Variants in SLC16A7 observed in about 807,000 individuals in gnomAD.
SLC16A7 encodes the protein solute carrier family 16 member 7.
A neutral mutation model predicts 34.9 loss-of-function variants in SLC16A7; 33 were observed. That is an observed-to-expected ratio of 0.94 (90% CI 0.72 to 1.26). The LOEUF (loss-of-function observed/expected upper bound fraction) is 1.26, where lower values mean the gene tolerates loss of function less well. SLC16A7 is among the 50% of genes most tolerant of loss of function. The pLI, the probability that SLC16A7 is intolerant of heterozygous loss-of-function variation, is 0.00. For synonymous variants in SLC16A7, 201 were observed against 206.6 expected (o/e 0.97, Z 0.23); for missense variants, 573 against 578.1 (o/e 0.99, Z 0.09).
At chr12:59,761,096 GT>G (rs1880965783) in intron 3 of SLC16A7, 1 of 1,088,490 alleles carries the variant, frequency 9.2e-7, no homozygotes, top group Non-Finnish European at 1.2e-6. Flanking sequence ...AATTGAAGAA[GT>G]TACTGCAAAA....
At chr12:59,608,561 A>G (rs565321350) in intron 1 of SLC16A7, among the ~76,000 whole-genome samples, 1 of 152,296 alleles carries the variant, frequency 6.6e-6, no homozygotes, top group South Asian at 2.1e-4. Context: ...GTGTGAATGT[A>G]ACCTGGCCTC....
chr12:59,694,374 T>C (rs1258264351), intron 2 of SLC16A7, among the ~76,000 whole-genome samples: 1 of 151,958 alleles, frequency 6.6e-6, no homozygotes, highest in Non-Finnish European at 1.5e-5. Flanking sequence ...TAATGGGGTA[T>C]GATTTACATA....
chr12:59,704,933 C>T lies in SLC16A7; in HGVS notation c.132C>T (p.Phe44=). 6.2e-7 allele frequency: 1 copy of T among 1,613,608 alleles called. No homozygotes were observed. The highest frequency in any genetic ancestry group is 1.1e-5 in the South Asian group (1 of 91,084). The change falls in exon 3 of 6, where the codon TTC becomes TTT. Residue 44 remains phenylalanine (F), a synonymous_variant. Transcript: ENST00000547379. ...TCCCCAAAGCTGTCACCGTATTCTT[C>T]AAAGAAATTCAGCAAATATTCCACA... is the stretch of plus-strand genomic sequence containing the variant. ...YAFPKAVTVF[F]KEIQQIFHTT... is the part of the protein sequence containing the mutation.
At chr12:59,742,273 C>G (rs1878432281) in intron 3 of SLC16A7, among the ~76,000 whole-genome samples, 1 of 152,176 alleles carries the variant, frequency 6.6e-6, no homozygotes, top group Admixed American at 6.6e-5. Flanking sequence ...CTTGCTTCTC[C>G]CTGGCACTTG....
intron 1 of SLC16A7, among the ~76,000 whole-genome samples, chr12:59,647,326 G>GT (rs1325314842): frequency 2.0e-5 from 3 of 152,092 alleles, no homozygotes; most frequent in Non-Finnish European, 2.9e-5. Context: ...TCCTGTGATA[G>GT]TAAGTTCTTA....
chr12:59,649,901 A>G (rs1397117370), intron 1 of SLC16A7, among the ~76,000 whole-genome samples: 1 of 152,114 alleles, frequency 6.6e-6, no homozygotes, highest in East Asian at 1.9e-4. Flanking sequence ...GTGAGCTGAG[A>G]TCATGCCATT....
intron 3 of SLC16A7, among the ~76,000 whole-genome samples, chr12:59,758,050 A>T (rs1592658881): frequency 1.3e-5 from 2 of 152,220 alleles, no homozygotes; most frequent in East Asian, 1.9e-4. Context: ...TCACCCTTGA[A>T]CAACACAGGG....
intron 1 of SLC16A7, among the ~76,000 whole-genome samples, chr12:59,650,731 G>T (rs1868329491): frequency 6.6e-6 from 1 of 152,112 alleles, no homozygotes; most frequent in Admixed American, 6.6e-5. Context: ...GTTGGGAGGT[G>T]CCTGTGGGAA....
intron 2 of SLC16A7, among the ~76,000 whole-genome samples, chr12:59,690,609 G>A (rs1871537935): frequency 6.6e-6 from 1 of 151,924 alleles, no homozygotes; most frequent in Non-Finnish European, 1.5e-5. Flanking sequence ...CACAGATTAA[G>A]TCCATGCCTT....
chr12:59,760,364 G>A (rs1880876288), intron 3 of SLC16A7, among the ~76,000 whole-genome samples: 1 of 151,976 alleles, frequency 6.6e-6, no homozygotes, highest in African/African-American at 2.4e-5. Flanking sequence ...AAAGTGCAGG[G>A]CTCTGGAGAT....
chr12:59,676,012 A>G (rs1870283291), intron 2 of SLC16A7, among the ~76,000 whole-genome samples: 1 of 152,106 alleles, frequency 6.6e-6, no homozygotes, highest in Non-Finnish European at 1.5e-5. Flanking sequence ...TTTCATTGCC[A>G]ATTGACCTTC....
intron 1 of SLC16A7, among the ~76,000 whole-genome samples, chr12:59,646,778 G>C (rs1305654707): frequency 6.6e-6 from 1 of 152,206 alleles, no homozygotes. Context: ...ACCATGCAAA[G>C]TCACAGGGGC....
intron 3 of SLC16A7, among the ~76,000 whole-genome samples, chr12:59,715,849 C>T (rs999588987): frequency 6.6e-6 from 1 of 152,092 alleles, no homozygotes; most frequent in Non-Finnish European, 1.5e-5. Context: ...TTTGTAATTA[C>T]CCAATGTTTT....
intron 1 of SLC16A7, among the ~76,000 whole-genome samples, chr12:59,640,737 T>C (rs1880646776): frequency 6.6e-6 from 1 of 152,120 alleles, no homozygotes; most frequent in African/African-American, 2.4e-5. Flanking sequence ...AGTTCTGCCA[T>C]GTATTAAAAA....
intron 3 of SLC16A7, among the ~76,000 whole-genome samples, chr12:59,740,571 AGAG>A (rs1878200668): frequency 6.0e-5 from 9 of 151,098 alleles, no homozygotes; most frequent in South Asian, 2.1e-4. Flanking sequence ...CAAAATAATA[AGAG>A]CTATCTATGA....
intron 2 of SLC16A7, chr12:59,689,379 C>A (rs1012195910): frequency 6.6e-6 from 1 of 151,964 alleles, no homozygotes; most frequent in Non-Finnish European, 1.5e-5. Flanking sequence ...CACAAGGAAA[C>A]TTCTGCCTCA....
At chr12:59,604,618 CTAATT>C (rs1271525727) in intron 1 of SLC16A7, among the ~76,000 whole-genome samples, 5 of 152,164 alleles carry the variant, frequency 3.3e-5, no homozygotes. Context: ...CATGTTTTAA[CTAATT>C]TAATCCTCAA....
chr12:59,664,430 T>A (rs535904636), intron 2 of SLC16A7, among the ~76,000 whole-genome samples: 14 of 152,082 alleles, frequency 9.2e-5, no homozygotes, highest in Non-Finnish European at 1.3e-4. Context: ...AAGAAATAGA[T>A]TAAACTGGCC....
chr12:59,690,384 G>T (rs1366300176), intron 2 of SLC16A7, among the ~76,000 whole-genome samples: 1 of 151,930 alleles, frequency 6.6e-6, no homozygotes, highest in Non-Finnish European at 1.5e-5. Context: ...GTAACTAAGT[G>T]CAGATTAACA....
Sources: gnomAD v4.1 joint callset for allele counts (sites outside exome capture counted in the v4.1 genomes callset) on GRCh38, gnomAD v4.1.1 for gene constraint, MANE v1.5 for transcripts, NCBI Gene and HGNC (gene_info 2026-07-23, HGNC 2026-07-21) for gene names.